The following NELL2 variants were observed in gnomAD, a reference collection of about 807,000 sequenced individuals.
NELL2 encodes the protein neural EGFL like 2.
A neutral mutation model predicts 109.6 loss-of-function variants in NELL2; 41 were observed. The observed-to-expected ratio is 0.37, with a 90% CI of 0.29 to 0.49. NELL2 has a LOEUF of 0.49. Among genes scored for constraint, NELL2 ranks in the 20% least tolerant of loss-of-function variants. The pLI is 0.98. For missense variants in NELL2, 900 were observed against 1,008.3 expected (o/e 0.89, Z 1.45); for synonymous variants, 355 against 344.7 (o/e 1.03, Z -0.33).
At chr12:44,782,695 A>G (rs1392044862) in intron 3 of NELL2, among the ~76,000 whole-genome samples, 1 of 152,048 alleles carries the variant, frequency 6.6e-6, no homozygotes. Context: ...TTAAGAAGAC[A>G]TAGCAATTCT....
upstream of NELL2, among the ~76,000 whole-genome samples, chr12:44,879,699 T>C (rs567610020): frequency 7.9e-5 from 12 of 152,124 alleles, no homozygotes; most frequent in South Asian, 2.5e-3. Context: ...CCAGAAAAGA[T>C]GATGATATTA....
intron 3 of NELL2, among the ~76,000 whole-genome samples, chr12:44,787,328 T>C (rs1942215530): frequency 6.6e-6 from 1 of 152,062 alleles, no homozygotes; most frequent in South Asian, 2.1e-4. Flanking sequence ...CTCAATACAG[T>C]AAAGAAGTCA....
At chr12:44,795,892 T>C (rs938589724) in intron 3 of NELL2, among the ~76,000 whole-genome samples, 1 of 152,172 alleles carries the variant, frequency 6.6e-6, no homozygotes, top group African/African-American at 2.4e-5. Flanking sequence ...TTTTCTAGCA[T>C]CCCTTATTAG....
intron 9 of NELL2, among the ~76,000 whole-genome samples, chr12:44,752,981 T>G (rs190146934): frequency 1.9e-4 from 29 of 152,252 alleles, no homozygotes; most frequent in Admixed American, 1.0e-3. Context: ...CAGCTCCTTT[T>G]GCATGGCGTC....
intron 9 of NELL2, among the ~76,000 whole-genome samples, chr12:44,764,996 G>A (rs1410502505): frequency 1.3e-5 from 2 of 152,072 alleles, no homozygotes; most frequent in Non-Finnish European, 2.9e-5. Context: ...AAACTTACAG[G>A]TCCCACCCTG....
chr12:44,594,700 A>C lies in NELL2; in HGVS notation c.1663+12469T>G, dbSNP rs1351363676. On this transcript the variant is annotated intron_variant, in intron 15 of 19. Coordinates refer to ENST00000429094, the MANE Select transcript of NELL2 (RefSeq NM_001145108.2). The stretch of plus-strand genomic sequence containing the variant: ...GAAGATAAAGATCTGGTCTCAGAAA[A>C]TATAGTGTAAATATTTATTAATAAA... Among the ~76,000 whole-genome samples, 3 of 152,210 alleles carry C rather than the reference A, an allele frequency of 2.0e-5. No homozygotes were observed. The East Asian group carries it at 5.8e-4, about 29-fold the overall frequency.
intron 3 of NELL2, among the ~76,000 whole-genome samples, chr12:44,801,864 A>T (rs950499325): frequency 2.6e-4 from 40 of 152,258 alleles, no homozygotes; most frequent in Non-Finnish European, 7.4e-5. Context: ...TTTATTAGCC[A>T]TCTATACGAG....
At chr12:44,889,520 C>G (rs1002769855) in intron 1 of NELL2, among the ~76,000 whole-genome samples, 15 of 151,992 alleles carry the variant, frequency 9.9e-5, no homozygotes, top group Non-Finnish European at 2.1e-4. Flanking sequence ...CACATGGACC[C>G]AGCCGGTGAG....
chr12:44,772,512 G>T (rs1941589134), intron 9 of NELL2, among the ~76,000 whole-genome samples: 1 of 152,148 alleles, frequency 6.6e-6, no homozygotes, highest in South Asian at 2.1e-4. Flanking sequence ...TTCCCAAAAA[G>T]AACCGCTAAG....
intron 9 of NELL2, among the ~76,000 whole-genome samples, chr12:44,729,974 C>T (rs1043178764): frequency 6.6e-6 from 1 of 152,026 alleles, no homozygotes; most frequent in African/African-American, 2.4e-5. Context: ...TTAGTAGAGG[C>T]AGGGTTTCAC....
chr12:44,884,673 T>C (rs1416799384), intron 1 of NELL2, among the ~76,000 whole-genome samples: 1 of 151,962 alleles, frequency 6.6e-6, no homozygotes, highest in Non-Finnish European at 1.5e-5. Context: ...TATCTGGCAA[T>C]ATATAGAAAG....
At chr12:44,806,355 T>C (rs1156868265) in intron 3 of NELL2, among the ~76,000 whole-genome samples, 2 of 151,826 alleles carry the variant, frequency 1.3e-5, no homozygotes, top group Non-Finnish European at 1.5e-5. Flanking sequence ...TTGAAGAAAG[T>C]AGTTAAGTAG....
At chr12:44,584,453 A>G (rs1302264731) in intron 15 of NELL2, among the ~76,000 whole-genome samples, 2 of 152,240 alleles carry the variant, frequency 1.3e-5, no homozygotes, top group Non-Finnish European at 2.9e-5. Context: ...CAAATCTATC[A>G]TGGTTTACAA....
chr12:44,559,502 A>G (rs1943388851), intron 15 of NELL2, among the ~76,000 whole-genome samples: 1 of 152,180 alleles, frequency 6.6e-6, no homozygotes, highest in African/African-American at 2.4e-5. Flanking sequence ...AACAAATGGA[A>G]AGCTAAAAAC....
At chr12:44,837,541 C>G (rs755337958) in intron 2 of NELL2, among the ~76,000 whole-genome samples, 2 of 152,158 alleles carry the variant, frequency 1.3e-5, no homozygotes, top group African/African-American at 4.8e-5. Flanking sequence ...GCCAGATGAG[C>G]GTATGACAGG....
At chr12:44,725,314 C>T (rs58012395) in intron 9 of NELL2, among the ~76,000 whole-genome samples, 11,415 of 152,000 alleles carry the variant, frequency 0.075, 1,381 homozygotes, top group African/African-American at 0.26. Context: ...AAAGAAACTA[C>T]AAACAGAGTA....
At chr12:44,555,227 A>C (rs1943203257) in intron 15 of NELL2, among the ~76,000 whole-genome samples, 2 of 152,138 alleles carry the variant, frequency 1.3e-5, no homozygotes, top group African/African-American at 4.8e-5. Flanking sequence ...GAGTCTTGTG[A>C]GGGCTGGAAG....
At chr12:44,670,506 A>G (rs1948101251) in intron 12 of NELL2, among the ~76,000 whole-genome samples, 1 of 151,878 alleles carries the variant, frequency 6.6e-6, no homozygotes, top group Non-Finnish European at 1.5e-5. Flanking sequence ...TAAATTCATC[A>G]ATTAAAAGAT....
intron 13 of NELL2, among the ~76,000 whole-genome samples, chr12:44,613,984 T>A (rs951369344): frequency 6.6e-6 from 1 of 152,176 alleles, no homozygotes; most frequent in East Asian, 1.9e-4. Flanking sequence ...AAGGAAATTC[T>A]AAGGTAAAAT....
Sources: gnomAD v4.1 joint callset for allele counts (sites outside exome capture counted in the v4.1 genomes callset) on GRCh38, gnomAD v4.1.1 for gene constraint, MANE v1.5 for transcripts, NCBI Gene and HGNC (gene_info 2026-07-23, HGNC 2026-07-21) for gene names.